TAFA1: variants seen among roughly 807,000 people sequenced by gnomAD.
The protein encoded by TAFA1 is chemokine-like protein TAFA-1.
In TAFA1, 4 loss-of-function variants were observed where a neutral mutation model predicts 18.5. That is an observed-to-expected ratio of 0.22 (90% CI 0.11 to 0.49). The LOEUF (loss-of-function observed/expected upper bound fraction) is 0.49, where lower values mean the gene tolerates loss of function less well. TAFA1 is among the 20% of genes least tolerant of loss of function. The pLI is 0.98. For missense variants in TAFA1, 147 were observed against 169.0 expected (o/e 0.87, Z 0.72); for synonymous variants, 56 against 55.2 (o/e 1.01, Z -0.06).
intron 2 of TAFA1, among the ~76,000 whole-genome samples, chr3:68,007,696 G>T (rs1704387215): frequency 6.8e-6 from 1 of 146,700 alleles, no homozygotes; most frequent in Non-Finnish European, 1.5e-5. Flanking sequence ...GCTCAGTTCT[G>T]AAGTGCTCCC....
At chr3:67,999,847 A>G (rs1704265555), upstream of TAFA1, among the ~76,000 whole-genome samples, 1 of 151,186 alleles carries the variant, frequency 6.6e-6, no homozygotes, top group African/African-American at 2.4e-5. Flanking sequence ...CTGGAGTGCA[A>G]TGGTGATCTC....
At chr3:68,043,108 G>T (rs148452255) in intron 2 of TAFA1, among the ~76,000 whole-genome samples, 5 of 152,028 alleles carry the variant, frequency 3.3e-5, no homozygotes, top group Admixed American at 2.0e-4. Context: ...TGGTCCTCAC[G>T]TGATCTGCCT....
At chr3:68,399,962 C>G (rs2070457101) in intron 2 of TAFA1, among the ~76,000 whole-genome samples, 1 of 152,162 alleles carries the variant, frequency 6.6e-6, no homozygotes, top group African/African-American at 2.4e-5. Context: ...CACACAGGAT[C>G]TCTCCAAAGG....
chr3:68,341,002 A>G (rs1045464964), intron 2 of TAFA1, among the ~76,000 whole-genome samples: 6 of 152,176 alleles, frequency 3.9e-5, no homozygotes, highest in African/African-American at 1.4e-4. Context: ...TAAGATGTTG[A>G]TGTCTAAAAG....
chr3:68,269,934 C>G (rs900413682), intron 2 of TAFA1, among the ~76,000 whole-genome samples: 2 of 152,114 alleles, frequency 1.3e-5, no homozygotes, highest in African/African-American at 4.8e-5. Flanking sequence ...TTCTTTTCCT[C>G]TGAGTACATT....
intron 3 of TAFA1, among the ~76,000 whole-genome samples, chr3:68,487,392 C>T (rs1030005501): frequency 6.6e-6 from 1 of 152,148 alleles, no homozygotes; most frequent in African/African-American, 2.4e-5. Flanking sequence ...TTTTATGATT[C>T]ATAAGTCATC....
chr3:68,276,384 C>T (rs2067798392), intron 2 of TAFA1, among the ~76,000 whole-genome samples: 1 of 152,134 alleles, frequency 6.6e-6, no homozygotes, highest in Non-Finnish European at 1.5e-5. Context: ...CTTGCGACAA[C>T]CCAAAATGTC....
At chr3:68,063,573 T>C (rs1325319643) in intron 2 of TAFA1, among the ~76,000 whole-genome samples, 1 of 152,202 alleles carries the variant, frequency 6.6e-6, no homozygotes, top group Admixed American at 6.5e-5. Flanking sequence ...GTCTTGTGAC[T>C]TTGCCACCAA....
intron 2 of TAFA1, among the ~76,000 whole-genome samples, chr3:68,357,388 A>T (rs922614601): frequency 6.6e-6 from 1 of 151,618 alleles, no homozygotes; most frequent in Non-Finnish European, 1.5e-5. Context: ...TCAGAAAAAA[A>T]AACTAGGATT....
intron 3 of TAFA1, among the ~76,000 whole-genome samples, chr3:68,442,079 G>T (rs1356993000): frequency 1.3e-5 from 2 of 152,108 alleles, no homozygotes; most frequent in Non-Finnish European, 1.5e-5. Flanking sequence ...TTATGCAGTT[G>T]CAAAGTTGCT....
chr3:68,031,746 A>T (rs906024877), intron 2 of TAFA1, among the ~76,000 whole-genome samples: 1 of 152,182 alleles, frequency 6.6e-6, no homozygotes, highest in Admixed American at 6.6e-5. Flanking sequence ...TTGTGTGAAC[A>T]TCCATCCCAA....
intron 2 of TAFA1, among the ~76,000 whole-genome samples, chr3:68,070,578 A>G (rs1266299243): frequency 6.6e-6 from 1 of 152,244 alleles, no homozygotes; most frequent in East Asian, 1.9e-4. Context: ...AAATTTCTGC[A>G]GCCAGCTTGA....
chr3:68,031,987 C>T (rs1224583428), intron 2 of TAFA1, among the ~76,000 whole-genome samples: 1 of 152,108 alleles, frequency 6.6e-6, no homozygotes, highest in African/African-American at 2.4e-5. Context: ...CAGTGTTTAC[C>T]TATTTACGTA....
chr3:68,458,365 A>T (rs564617919), intron 3 of TAFA1, among the ~76,000 whole-genome samples: 58 of 152,328 alleles, frequency 3.8e-4, no homozygotes, highest in African/African-American at 1.4e-3. Flanking sequence ...AGGTAGTTTT[A>T]TTATATCATG....
chr3:68,429,762 A>G (rs970401288), intron 3 of TAFA1, among the ~76,000 whole-genome samples: 5 of 151,856 alleles, frequency 3.3e-5, no homozygotes, highest in African/African-American at 9.7e-5. Context: ...CCCCTTCTTC[A>G]TACCATCTGA....
intron 3 of TAFA1, among the ~76,000 whole-genome samples, chr3:68,444,772 AT>A (rs1352796988): frequency 9.8e-3 from 7 of 714 alleles, no homozygotes; most frequent in East Asian, 0.25. Flanking sequence ...TTTCTACAAA[AT>A]ATATATATAT....
At chr3:68,523,963 A>G (rs2073066556) in intron 3 of TAFA1, among the ~76,000 whole-genome samples, 1 of 152,092 alleles carries the variant, frequency 6.6e-6, no homozygotes, top group African/African-American at 2.4e-5. Context: ...TTTTCTTTAA[A>G]TTTACCTAAA....
intron 2 of TAFA1, among the ~76,000 whole-genome samples, chr3:68,235,108 G>A (rs1427013322): frequency 6.6e-6 from 1 of 152,020 alleles, no homozygotes; most frequent in African/African-American, 2.4e-5. Flanking sequence ...TCAGTTCAAG[G>A]TGAAGGGGCT....
rs543813564 is a variant in TAFA1 at position 68,054,024 on chromosome 3, G to A, written c.118+47280G>A. 9.7e-4 allele frequency among the ~76,000 whole-genome samples: 147 copies of A among 152,186 alleles called. 1 individual carries two copies. The highest frequency in any genetic ancestry group is 1.8e-3 in the Non-Finnish European group (124 of 67,994). ...CTGACCTACTTTTACATTTTAAAAA[G>A]TATCAAAATAGCCATCAGAGAAATC... On this transcript the variant is annotated intron_variant, in intron 2 of 4. Transcript: ENST00000478136.
Sources: gnomAD v4.1 joint callset for allele counts (sites outside exome capture counted in the v4.1 genomes callset) on GRCh38, gnomAD v4.1.1 for gene constraint, MANE v1.5 for transcripts, NCBI Gene and HGNC (gene_info 2026-07-23, HGNC 2026-07-21) for gene names.